Variants in CACNA1C observed in about 807,000 individuals in gnomAD.
The protein encoded by CACNA1C is voltage-dependent L-type calcium channel subunit alpha-1C.
CACNA1C carries 30 observed loss-of-function variants against 229.0 expected under a neutral mutation model. The ratio of observed to expected loss-of-function variants is 0.13; its 90% CI spans 0.10 to 0.18. CACNA1C has a LOEUF of 0.18. Ranked by LOEUF, CACNA1C falls within the 10% of genes least tolerant of loss-of-function variation. The pLI is 1.00. For synonymous variants in CACNA1C, 1,114 were observed against 1,132.5 expected (o/e 0.98, Z 0.33); for missense variants, 1,658 against 2,845.0 (o/e 0.58, Z 9.49).
At chr12:2,058,466 G>T (rs1463024839) in intron 1 of CACNA1C, among the ~76,000 whole-genome samples, 1 of 152,154 alleles carries the variant, frequency 6.6e-6, no homozygotes, top group Non-Finnish European at 1.5e-5. Context: ...TCTGTTTCTA[G>T]ATTCCATCCT....
At chr12:2,246,392 A>T (rs1271281800) in intron 3 of CACNA1C, among the ~76,000 whole-genome samples, 5 of 152,270 alleles carry the variant, frequency 3.3e-5, no homozygotes, top group South Asian at 4.1e-4. Flanking sequence ...GGCCTTTTAG[A>T]TGGTGGCTCC....
intron 3 of CACNA1C, among the ~76,000 whole-genome samples, chr12:2,238,147 T>G (rs1453252052): frequency 6.6e-6 from 1 of 152,182 alleles, no homozygotes; most frequent in Non-Finnish European, 1.5e-5. Flanking sequence ...CACAGGAGCC[T>G]GGAAAACTAT....
chr12:2,111,779 A>C (rs923438339), intron 1 of CACNA1C, among the ~76,000 whole-genome samples: 1 of 152,210 alleles, frequency 6.6e-6, no homozygotes, highest in Non-Finnish European at 1.5e-5. Flanking sequence ...TTAGAGTTCC[A>C]GCCTTCCCTG....
At chr12:2,179,356 T>C (rs2096763247) in intron 3 of CACNA1C, among the ~76,000 whole-genome samples, 1 of 152,256 alleles carries the variant, frequency 6.6e-6, no homozygotes, top group South Asian at 2.1e-4. Flanking sequence ...TGATGATAGG[T>C]TGGTCTTAGC....
chr12:2,209,485 T>C (rs1401944630), intron 3 of CACNA1C, among the ~76,000 whole-genome samples: 1 of 152,202 alleles, frequency 6.6e-6, no homozygotes, highest in East Asian at 1.9e-4. Context: ...CGCCCGTGGC[T>C]GCTCTGTAGC....
rs1175220438 is a variant in CACNA1C, at chr12:2,608,170, A to C, written c.3357-341A>C. 5.2e-6 allele frequency: 1 copy of C among 192,328 alleles called. No individual in the cohort carries two copies. Among genetic ancestry groups the C allele is most frequent in the Non-Finnish European group, 1.1e-5 (1 of 94,730 alleles). 11.9% of individuals were successfully genotyped at this position (192,328 alleles called of 1,614,324 possible). On this transcript the variant is annotated intron_variant, in intron 26 of 46. Transcript: ENST00000399655. The surrounding 1 kb of genome is among the most constrained non-coding windows in gnomAD (Gnocchi z 4.2). ...AGTTTGCAAAGCTGTCTCAATATTT[A>C]CCAATATTTCCAGTGTTTTAAATCA...
chr12:2,498,655 C>T (rs1360740903), intron 7 of CACNA1C, among the ~76,000 whole-genome samples: 2 of 152,200 alleles, frequency 1.3e-5, no homozygotes, highest in Non-Finnish European at 2.9e-5. Context: ...ACAGCTGAGC[C>T]ATGGGGGTCA....
At chr12:2,050,489 C>G, upstream of CACNA1C, among the ~76,000 whole-genome samples, 1 of 152,202 alleles carries the variant, frequency 6.6e-6, no homozygotes, top group East Asian at 1.9e-4. Context: ...TATTCCTGCA[C>G]TTGTGTGTAA....
chr12:2,269,082 G>A (rs1170120124), intron 3 of CACNA1C, among the ~76,000 whole-genome samples: 2 of 152,262 alleles, frequency 1.3e-5, no homozygotes, highest in East Asian at 1.9e-4. Context: ...AGGGAGTAGC[G>A]GGCACATGAT....
intron 3 of CACNA1C, among the ~76,000 whole-genome samples, chr12:2,126,053 C>A (rs566796033): frequency 6.6e-6 from 1 of 152,238 alleles, no homozygotes; most frequent in Non-Finnish European, 1.5e-5. Context: ...CCTTTCCTTT[C>A]TCCCACTTAT....
At chr12:2,476,247 A>G (rs2099627580) in intron 5 of CACNA1C, among the ~76,000 whole-genome samples, 1 of 152,254 alleles carries the variant, frequency 6.6e-6, no homozygotes, top group Non-Finnish European at 1.5e-5. Context: ...AAGGAGCAGC[A>G]TCTGCCATGA....
intron 11 of CACNA1C, among the ~76,000 whole-genome samples, chr12:2,561,701 G>T (rs2047579444): frequency 6.6e-6 from 1 of 152,172 alleles, no homozygotes; most frequent in Non-Finnish European, 1.5e-5. Flanking sequence ...GGCAGGTGGA[G>T]CTGGGGCTGC....
At chr12:2,123,333 G>A (rs1357733898) in intron 3 of CACNA1C, among the ~76,000 whole-genome samples, 10 of 127,500 alleles carry the variant, frequency 7.8e-5, no homozygotes, top group Admixed American at 1.0e-4. Flanking sequence ...CCGAGATCGC[G>A]CCACCGCACT....
At chr12:2,561,300 G>A (rs140151319) in intron 11 of CACNA1C, among the ~76,000 whole-genome samples, 1 of 152,298 alleles carries the variant, frequency 6.6e-6, no homozygotes, top group African/African-American at 2.4e-5. Flanking sequence ...CTCGCCTAAG[G>A]TGTCCTTTCG....
At chr12:2,159,490 T>A (rs991008188) in intron 3 of CACNA1C, among the ~76,000 whole-genome samples, 1 of 151,742 alleles carries the variant, frequency 6.6e-6, no homozygotes, top group Non-Finnish European at 1.5e-5. Flanking sequence ...TGAGACCCTG[T>A]CAATAAATAA....
intron 3 of CACNA1C, among the ~76,000 whole-genome samples, chr12:2,375,201 C>T (rs916672104): frequency 1.8e-4 from 27 of 152,156 alleles, no homozygotes; most frequent in African/African-American, 5.8e-4. Context: ...ATGTGCTGAG[C>T]GGCTGCCAAG....
chr12:2,670,034 A>G (rs2096472013), intron 38 of CACNA1C, among the ~76,000 whole-genome samples: 1 of 152,140 alleles, frequency 6.6e-6, no homozygotes, highest in African/African-American at 2.4e-5. Flanking sequence ...CGTGGTCAAA[A>G]GACCACCGCT....
In CACNA1C at chr12:2,690,909, T is replaced by C. The variant is rs2153890995; in HGVS notation, c.6127T>C (p.Ser2043Pro). Residue 2043 changes from serine (S) to proline (P), a missense_variant, in exon 47 of 47, where the codon TCA (serine) becomes CCA (proline). By Grantham distance (74) the Ser-to-Pro change is moderately conservative. This residue lies in a region of CACNA1C where 590 missense variants were observed against 700.8 expected (regional missense o/e 0.84). Coordinates refer to ENST00000399655, the MANE Select transcript of CACNA1C (RefSeq NM_000719.7). ...CACCCCGCTCCTTCAGGTCTTGATT[T>C]CAGAAGGACTGGGGCAGTTTGCTCA... ...ASSLVEAVLISEGLGQFAQDP... is the reference protein window; with the variant it reads ...ASSLVEAVLIPEGLGQFAQDP... 1 of 1,573,820 alleles carries C rather than the reference T, an allele frequency of 6.4e-7. No individual in the cohort carries two copies. Among genetic ancestry groups the C allele is most frequent in the Admixed American group, 1.8e-5 (1 of 56,164 alleles).
intron 18 of CACNA1C, among the ~76,000 whole-genome samples, chr12:2,590,487 C>T (rs1357285898): frequency 1.3e-5 from 2 of 152,188 alleles, no homozygotes; most frequent in Non-Finnish European, 2.9e-5. Context: ...CCTGATCTGT[C>T]AGCATCCCTC....
Sources: gnomAD v4.1 joint callset for allele counts (sites outside exome capture counted in the v4.1 genomes callset) on GRCh38, gnomAD v4.1.1 for gene constraint, gnomAD v4.1.1 regional missense constraint, Gnocchi (gnomAD v3.1) non-coding constraint, MANE v1.5 for transcripts, NCBI Gene and HGNC (gene_info 2026-07-23, HGNC 2026-07-21) for gene names.